The following TTLL5 variants were observed in gnomAD, a reference collection of about 807,000 sequenced individuals.
TTLL5 encodes tubulin tyrosine ligase like 5.
Under a neutral mutation model 168.4 loss-of-function variants are expected in TTLL5, and 132 were observed. The observed-to-expected ratio is 0.78, with a 90% CI of 0.68 to 0.91. The LOEUF (loss-of-function observed/expected upper bound fraction) is 0.91, where lower values mean the gene tolerates loss of function less well. Among genes scored for constraint, TTLL5 ranks in the 40% least tolerant of loss-of-function variants. The pLI is 0.00. For missense variants in TTLL5, 1,545 were observed against 1,581.5 expected (o/e 0.98, Z 0.39); for synonymous variants, 546 against 558.6 (o/e 0.98, Z 0.32).
intron 9 of TTLL5, among the ~76,000 whole-genome samples, chr14:75,714,305 T>G (rs77287218): frequency 0.017 from 2,565 of 152,310 alleles, 87 homozygotes; most frequent in African/African-American, 0.058. Flanking sequence ...ACTGTAAAAT[T>G]ATTTGGTCTT....
At chr14:75,818,920 G>A (rs958671423) in intron 27 of TTLL5, among the ~76,000 whole-genome samples, 3 of 152,160 alleles carry the variant, frequency 2.0e-5, no homozygotes, top group Admixed American at 1.3e-4. Context: ...TTGATTTTCA[G>A]TATTCACAGT....
At position 75,771,738 on chromosome 14, in the gene TTLL5, A is replaced by G. The variant is rs977280223; in HGVS notation, c.2020A>G (p.Met674Val). ...ILQDNGNLSKMQARIAFSAYL... is the reference protein window; with the variant it reads ...ILQDNGNLSKVQARIAFSAYL... ...TGTTGTTTTGGATTTCTATAGCAAA[A>G]TGCAGGCCCGAATAGCATTCTCTGC... is the stretch of plus-strand genomic sequence containing the variant. The change falls in exon 21 of 32, where the codon ATG (methionine) becomes GTG (valine). Residue 674 changes from methionine (M) to valine (V), a missense_variant. Coordinates refer to ENST00000298832, the MANE Select transcript of TTLL5 (RefSeq NM_015072.5). 4.3e-6 allele frequency: 7 copies of G among 1,613,486 alleles called. No homozygotes were observed. Among genetic ancestry groups the G allele is most frequent in the Non-Finnish European group, 5.1e-6 (6 of 1,179,826 alleles).
intron 12 of TTLL5, among the ~76,000 whole-genome samples, chr14:75,728,012 A>G (rs372900245): frequency 2.0e-5 from 3 of 152,194 alleles, no homozygotes; most frequent in Non-Finnish European, 4.4e-5. Context: ...CTATTTCATC[A>G]TATGTAAATT....
At chr14:75,774,182 G>A (rs1186705317) in intron 21 of TTLL5, among the ~76,000 whole-genome samples, 1 of 152,050 alleles carries the variant, frequency 6.6e-6, no homozygotes, top group African/African-American at 2.4e-5. Context: ...TTTTATTGTG[G>A]TTTTTGGACA....
intron 29 of TTLL5, among the ~76,000 whole-genome samples, chr14:75,880,348 T>A (rs971183092): frequency 2.6e-5 from 4 of 152,246 alleles, no homozygotes; most frequent in Non-Finnish European, 5.9e-5. Context: ...TGGCAACATT[T>A]ATTGAATAGA....
intron 28 of TTLL5, among the ~76,000 whole-genome samples, chr14:75,822,436 A>G (rs1170103069): frequency 1.3e-5 from 2 of 152,222 alleles, no homozygotes; most frequent in African/African-American, 4.8e-5. Context: ...GGTAAATAAA[A>G]GTTACTCTCA....
At chr14:75,758,021 G>A (rs568072079) in intron 18 of TTLL5, among the ~76,000 whole-genome samples, 59 of 152,196 alleles carry the variant, frequency 3.9e-4, no homozygotes, top group South Asian at 3.1e-3. Context: ...GTGTTTTGTC[G>A]CCACTTTTTA....
At chr14:75,818,312 T>G (rs1894592124) in intron 27 of TTLL5, among the ~76,000 whole-genome samples, 1 of 152,116 alleles carries the variant, frequency 6.6e-6, no homozygotes, top group African/African-American at 2.4e-5. Flanking sequence ...TAAATGCTAC[T>G]TATAGTCTGG....
At chr14:75,785,323 G>A (rs971733205) in intron 26 of TTLL5, among the ~76,000 whole-genome samples, 2 of 152,084 alleles carry the variant, frequency 1.3e-5, no homozygotes, top group African/African-American at 2.4e-5. Context: ...GGGACTACAG[G>A]CACATGCCAC....
intron 6 of TTLL5, among the ~76,000 whole-genome samples, chr14:75,692,412 A>G (rs541570141): frequency 1.5e-4 from 23 of 152,300 alleles, no homozygotes; most frequent in African/African-American, 5.5e-4. Context: ...GTTATTAATA[A>G]CTACTATTAA....
At chr14:75,885,111 C>T (rs1242156862) in intron 30 of TTLL5, among the ~76,000 whole-genome samples, 2 of 151,758 alleles carry the variant, frequency 1.3e-5, no homozygotes, top group African/African-American at 4.8e-5. Context: ...GGAGGCGGAG[C>T]TTGCAGTAAG....
At chr14:75,856,219 C>T (rs185225623) in intron 28 of TTLL5, among the ~76,000 whole-genome samples, 106 of 152,190 alleles carry the variant, frequency 7.0e-4, no homozygotes, top group Non-Finnish European at 1.3e-3. Context: ...AAAAATTAGC[C>T]GAGTGTGGTG....
At chr14:75,906,678 G>C in intron 31 of TTLL5, 1 of 985,818 alleles carries the variant, frequency 1.0e-6, no homozygotes. Flanking sequence ...CCAATTTAAG[G>C]TAACGGTAAG....
At chr14:75,755,280 A>G (rs1037651014) in intron 18 of TTLL5, among the ~76,000 whole-genome samples, 2 of 143,846 alleles carry the variant, frequency 1.4e-5, no homozygotes, top group African/African-American at 4.9e-5. Context: ...AATAATAATA[A>G]TAATAATAAT....
intron 20 of TTLL5, among the ~76,000 whole-genome samples, chr14:75,769,671 T>C (rs994745029): frequency 6.6e-6 from 1 of 152,208 alleles, no homozygotes; most frequent in Admixed American, 6.5e-5. Context: ...GAATTGGATA[T>C]TCTGCTACAT....
chr14:75,663,944 C>G (rs984739189), intron 2 of TTLL5, among the ~76,000 whole-genome samples: 14 of 151,936 alleles, frequency 9.2e-5, no homozygotes, highest in Non-Finnish European at 1.5e-4. Flanking sequence ...ATTAGCTGGG[C>G]GTGATGGTGG....
At chr14:75,699,740 C>T (rs1052397763) in intron 7 of TTLL5, among the ~76,000 whole-genome samples, 1 of 152,152 alleles carries the variant, frequency 6.6e-6, no homozygotes, top group African/African-American at 2.4e-5. Context: ...TTCCTTTCCT[C>T]TTTCTGCCCT....
rs199591279 is a variant in TTLL5, at chr14:75,698,411, A to AT, written c.503-768dup. 3.4e-3 allele frequency among the ~76,000 whole-genome samples: 522 copies of AT among 151,878 alleles called. 6 individuals carry two copies. Among genetic ancestry groups the AT allele is most frequent in the African/African-American group, 0.011 (473 of 41,400 alleles). ...TGGCACATTGCTTGATTTACAGTGAATTTTTTTTTATAAGCTCGAAATATT... is the reference window on the plus strand; with the variant it reads ...TGGCACATTGCTTGATTTACAGTGAATTTTTTTTTTATAAGCTCGAAATATT... On this transcript the variant is annotated intron_variant, in intron 6 of 31. Coordinates refer to ENST00000298832, the MANE Select transcript of TTLL5 (RefSeq NM_015072.5).
intron 28 of TTLL5, among the ~76,000 whole-genome samples, chr14:75,844,589 A>G (rs1896444260): frequency 1.3e-5 from 2 of 152,114 alleles, no homozygotes; most frequent in Admixed American, 1.3e-4. Flanking sequence ...CATGTGTAAG[A>G]TGGGATAATA....
Sources: allele counts gnomAD v4.1 joint callset (sites outside exome capture counted in the v4.1 genomes callset), GRCh38; gene constraint gnomAD v4.1.1; transcripts MANE v1.5; gene names NCBI Gene and HGNC (gene_info 2026-07-23, HGNC 2026-07-21).